Variants in SSBP4 observed in about 807,000 individuals in gnomAD.
SSBP4 encodes the protein single stranded DNA binding protein 4.
A neutral mutation model predicts 64.6 loss-of-function variants in SSBP4; 33 were observed. The observed-to-expected ratio is 0.51, with a 90% confidence interval of 0.39 to 0.68. The LOEUF (loss-of-function observed/expected upper bound fraction) is 0.68. Ranked by LOEUF, SSBP4 falls within the 30% of genes least tolerant of loss-of-function variation. SSBP4 has a pLI of 0.00. For missense variants in SSBP4, 583 were observed against 566.8 expected (o/e 1.03, Z -0.29); for synonymous variants, 243 against 224.0 (o/e 1.08, Z -0.76).
chr19:18,433,889 G>A, intron 17 of SSBP4, 72 bp downstream of exon 17: 2 of 1,286,610 alleles, frequency 1.6e-6, no homozygotes, highest in Non-Finnish European at 2.0e-6. Flanking sequence ...GCCCCGGCGG[G>A]GCGGCCGGGG....
At chr19:18,428,060 G>C in intron 4 of SSBP4, 78 bp downstream of exon 4, 1 of 1,399,492 alleles carries the variant, frequency 7.1e-7, no homozygotes, top group South Asian at 1.2e-5. Flanking sequence ...GTGGGGTGGG[G>C]GGCTGCACAG....
the SSBP4 span, among the ~76,000 whole-genome samples, chr19:18,411,768 G>A: frequency 6.6e-6 from 1 of 152,038 alleles, no homozygotes; most frequent in Non-Finnish European, 1.5e-5. Context: ...GTGTTGTTAA[G>A]CCAAAGGACC....
rs1973725929 is a variant in SSBP4, at chr19:18,433,706, CCA to C, written c.1021-3_1021-2del. The C allele has an allele frequency of 7.0e-7, 1 of 1,430,322 alleles. No individual in the cohort carries two copies. The allele number at this position is 1,430,322 out of a possible 1,614,324, so 88.6% of individuals were successfully genotyped here. A position where few individuals can be genotyped will look rare whatever the true frequency, so the allele number is the denominator to read the frequency against. On this transcript the variant is annotated splice_acceptor_variant and splice_polypyrimidine_tract_variant and intron_variant, in intron 16 of 17. Coordinates refer to ENST00000270061, the MANE Select transcript of SSBP4 (RefSeq NM_032627.5). LOFTEE classifies it high-confidence loss of function. ...AGTTGCGAGCCGACGGCGGCCGCCCCCAGAGTTCCCCCGGCGCCGTGGCCGGC... is the reference window on the plus strand; with the variant it reads ...AGTTGCGAGCCGACGGCGGCCGCCCCGAGTTCCCCCGGCGCCGTGGCCGGC...
In SSBP4 at chr19:18,423,640, C is replaced by T. The variant is rs372165477; in HGVS notation, c.60-3711C>T. 6.6e-6 allele frequency among the ~76,000 whole-genome samples: 1 copy of T among 152,096 alleles called. No individual in the cohort carries two copies. Among genetic ancestry groups the T allele is most frequent in the Non-Finnish European group, 1.5e-5 (1 of 68,006 alleles). On this transcript the variant is annotated intron_variant, in intron 1 of 17. Coordinates refer to ENST00000270061, the MANE Select transcript of SSBP4 (RefSeq NM_032627.5). The surrounding 1 kb of genome is among the most constrained non-coding windows in gnomAD (Gnocchi z 4.0). The stretch of plus-strand genomic sequence containing the variant: ...CGTCATTACGGTGGTAGCTGTGGTA[C>T]ATTTCAGGCCACCAGGCGCTAGCAC...
At chr19:18,420,781 C>T (rs1265922024) in intron 1 of SSBP4, among the ~76,000 whole-genome samples, 3 of 151,038 alleles carry the variant, frequency 2.0e-5, no homozygotes, top group African/African-American at 7.3e-5. Context: ...GAACCCGTGG[C>T]GCAGAGGTTG....
At chr19:18,409,863 G>A in the SSBP4 span, among the ~76,000 whole-genome samples, 47 of 152,016 alleles carry the variant, frequency 3.1e-4, no homozygotes, top group Non-Finnish European at 6.6e-4. Flanking sequence ...TCTGAGTCTC[G>A]CTCTGTCATC....
chr19:18,433,087 A>G, intron 14 of SSBP4, 44 bp downstream of exon 14: 1 of 1,613,502 alleles, frequency 6.2e-7, no homozygotes, highest in Non-Finnish European at 8.5e-7. Context: ...CGGTGACCCC[A>G]CTTGGGGAAT....
At chr19:18,428,047 G>GGT in intron 4 of SSBP4, 65 bp downstream of exon 4, 2 of 1,193,682 alleles carry the variant, frequency 1.7e-6, no homozygotes, top group South Asian at 1.2e-5. Context: ...TGTGGCTGGG[G>GGT]AGGTGGGGTG....
At position 18,430,823 on chromosome 19, in the gene SSBP4, T is replaced by C. The variant is rs1973301239; in HGVS notation, c.280-18T>C. 9 of 1,597,802 alleles carry C rather than the reference T, an allele frequency of 5.6e-6. No homozygotes were observed. Among genetic ancestry groups the C allele is most frequent in the Non-Finnish European group, 7.7e-6 (9 of 1,170,768 alleles). On this transcript the variant is annotated intron_variant, in intron 4 of 17. Coordinates refer to ENST00000270061, the MANE Select transcript of SSBP4 (RefSeq NM_032627.5). ...AGGTGTCCTGACCTGGCCCTCTGGGTTTCCCGCACCCTTACAGAGTGCTGC... is the reference window on the plus strand; with the variant it reads ...AGGTGTCCTGACCTGGCCCTCTGGGCTTCCCGCACCCTTACAGAGTGCTGC...
At position 18,434,417 on chromosome 19, in the gene SSBP4, G is replaced by C; in HGVS notation, c.*171G>C. On this transcript the variant is annotated 3_prime_UTR_variant, in exon 18 of 18. Transcript: ENST00000270061. The stretch of plus-strand genomic sequence containing the variant: ...CTTACCATTTTATTAAAAACGCAAG[G>C]ACCTCAGAGACGTTCTTTTCTGTAT... 8.2e-7 allele frequency: 1 copy of C among 1,222,136 alleles called. No homozygotes were observed. The highest frequency in any genetic ancestry group is 2.8e-5 in the East Asian group (1 of 35,342). The allele number at this position is 1,222,136 out of a possible 1,614,324, so 75.7% of individuals were successfully genotyped here.
the SSBP4 span, among the ~76,000 whole-genome samples, chr19:18,404,036 C>CGT: frequency 6.6e-6 from 1 of 152,154 alleles, no homozygotes; most frequent in South Asian, 2.1e-4. Context: ...GACAGAGAGA[C>CGT]ACCAGCCCGC....
At chr19:18,419,310 G>A (rs1600275575), upstream of SSBP4, 1 of 1,005,584 alleles carries the variant, frequency 9.9e-7, no homozygotes, top group Non-Finnish European at 1.2e-6. Flanking sequence ...CCACCCGCGC[G>A]CCCGCCATCG....
At chr19:18,409,600 A>T in the SSBP4 span, among the ~76,000 whole-genome samples, 210 of 150,164 alleles carry the variant, frequency 1.4e-3, no homozygotes, top group African/African-American at 4.1e-3. Flanking sequence ...TGGTTCAAAG[A>T]TTTTTCTTGT....
the SSBP4 span, among the ~76,000 whole-genome samples, chr19:18,408,479 C>T: frequency 6.6e-6 from 1 of 150,894 alleles, no homozygotes; most frequent in African/African-American, 2.4e-5. Context: ...CTTAGAGTCT[C>T]CTTCACCAAG....
Position 18,431,203 on chromosome 19 carries a change from ACTGGTGCCTGAGTCCTGCCC to A in SSBP4, c.370-149_370-130del. On this transcript the variant is annotated intron_variant, in intron 5 of 17. Coordinates refer to ENST00000270061, the MANE Select transcript of SSBP4 (RefSeq NM_032627.5). ...AGTAGCCACAGTGGTCCTGGTGACCACTGGTGCCTGAGTCCTGCCCTCAAGCCTTCCCACAAGGTCCCTGT... is the reference window on the plus strand; with the variant it reads ...AGTAGCCACAGTGGTCCTGGTGACCATCAAGCCTTCCCACAAGGTCCCTGT... 1.7e-4 allele frequency: 41 copies of A among 244,152 alleles called. 10 individuals carry two copies. The highest frequency in any genetic ancestry group is 6.2e-4 in the South Asian group (10 of 16,076). The allele number at this position is 244,152 out of a possible 1,614,324, so 15.1% of individuals were successfully genotyped here.
At chr19:18,405,189 C>T in the SSBP4 span, among the ~76,000 whole-genome samples, 1 of 152,148 alleles carries the variant, frequency 6.6e-6, no homozygotes, top group Non-Finnish European at 1.5e-5. Flanking sequence ...AGTGGGGCAA[C>T]CATGGATGCC....
chr19:18,432,490 G>A, intron 10 of SSBP4, 69 bp from the exon 11 acceptor site: 1 of 1,514,922 alleles, frequency 6.6e-7, no homozygotes, highest in Non-Finnish European at 8.9e-7. Flanking sequence ...CAGGGTGTGG[G>A]GGGTGTGTGG....
chr19:18,434,089 T>C (rs1600379913), intron 17 of SSBP4, 128 bp from the exon 18 acceptor site: 3 of 1,137,746 alleles, frequency 2.6e-6, no homozygotes, highest in South Asian at 1.9e-5. Flanking sequence ...CCCCGTTCCC[T>C]CCTGTCCCCA....
chr19:18,431,866 A>G lies in SSBP4; in HGVS notation c.565+4A>G. The G allele has an allele frequency of 6.4e-7, 1 of 1,571,464 alleles. No individual in the cohort carries two copies. The highest frequency in any genetic ancestry group is 8.6e-7 in the Non-Finnish European group (1 of 1,156,736). ...GAGCCCTCCCCACGAGCCCAGGGTG[A>G]GTAGGGAAGCTCCAGCCCCTATCCC... On this transcript the variant is annotated splice_donor_region_variant and intron_variant, in intron 8 of 17. Coordinates refer to ENST00000270061, the MANE Select transcript of SSBP4 (RefSeq NM_032627.5).
Sources: gnomAD v4.1 joint callset for allele counts (sites outside exome capture counted in the v4.1 genomes callset) on GRCh38, gnomAD v4.1.1 for gene constraint, Gnocchi (gnomAD v3.1) non-coding constraint, MANE v1.5 for transcripts, NCBI Gene and HGNC (gene_info 2026-07-23, HGNC 2026-07-21) for gene names.